Variants in PDE1C observed in about 807,000 individuals in gnomAD.
The protein encoded by PDE1C is dual specificity calcium/calmodulin-dependent 3',5'-cyclic nucleotide phosphodiesterase 1C.
In PDE1C, 62 loss-of-function variants were observed where a neutral mutation model predicts 93.1. That is an observed-to-expected ratio of 0.67 (90% CI 0.54 to 0.82). PDE1C has a LOEUF of 0.82. PDE1C is among the 40% of genes least tolerant of loss of function. PDE1C has a pLI of 0.00. For missense variants in PDE1C, 742 were observed against 884.6 expected, an observed-to-expected ratio of 0.84 and a Z score of 2.04; for synonymous variants, 325 against 310.1, an observed-to-expected ratio of 1.05 and a Z score of -0.50.
At chr7:31,818,992 G>C (rs1314552614) in intron 14 of PDE1C, among the ~76,000 whole-genome samples, 1 of 152,060 alleles carries the variant, frequency 6.6e-6, no homozygotes, top group Non-Finnish European at 1.5e-5. Flanking sequence ...CTGGTGGCGG[G>C]GGGTATATTT....
At chr7:32,206,869 T>G (rs887029466) in intron 2 of PDE1C, among the ~76,000 whole-genome samples, 14 of 152,158 alleles carry the variant, frequency 9.2e-5, no homozygotes, top group Non-Finnish European at 1.9e-4. Context: ...CAAGTCAAGG[T>G]CAGTCTCAAC....
intron 2 of PDE1C, among the ~76,000 whole-genome samples, chr7:31,882,715 T>G (rs17160638): frequency 0.12 from 18,386 of 152,156 alleles, 1,615 homozygotes; most frequent in East Asian, 0.26. Flanking sequence ...GGAACTGACA[T>G]GTAACTCTAG....
chr7:32,282,095 C>T (rs890438065), intron 1 of PDE1C, among the ~76,000 whole-genome samples: 1 of 148,970 alleles, frequency 6.7e-6, no homozygotes, highest in Non-Finnish European at 1.5e-5. Context: ...CAACACGGCA[C>T]ATGTATACAT....
At chr7:31,935,861 C>T (rs1329917998) in intron 2 of PDE1C, among the ~76,000 whole-genome samples, 2 of 152,136 alleles carry the variant, frequency 1.3e-5, no homozygotes, top group African/African-American at 2.4e-5. Flanking sequence ...ACAATGCTAG[C>T]AGTAGCAGCA....
intron 2 of PDE1C, among the ~76,000 whole-genome samples, chr7:31,967,936 TTAGG>T (rs1331884179): frequency 6.6e-6 from 1 of 152,152 alleles, no homozygotes; most frequent in African/African-American, 2.4e-5. Context: ...TCTCCATAAA[TTAGG>T]TATTGATGGC....
intron 3 of PDE1C, among the ~76,000 whole-genome samples, chr7:32,167,337 GTATC>G (rs1446532919): frequency 6.6e-6 from 1 of 152,194 alleles, no homozygotes; most frequent in Non-Finnish European, 1.5e-5. Flanking sequence ...GTGGAATTAA[GTATC>G]TAACCCCTTC....
intron 2 of PDE1C, among the ~76,000 whole-genome samples, chr7:31,890,203 A>T (rs774290444): frequency 2.6e-5 from 4 of 152,206 alleles, no homozygotes; most frequent in Non-Finnish European, 5.9e-5. Flanking sequence ...GACTGGGGAG[A>T]GGGAAGCAGT....
intron 3 of PDE1C, among the ~76,000 whole-genome samples, chr7:32,106,481 T>C (rs894536027): frequency 1.3e-5 from 2 of 152,056 alleles, no homozygotes; most frequent in African/African-American, 4.8e-5. Context: ...GGGGAGAAAC[T>C]GAGAGGAAAG....
intron 2 of PDE1C, among the ~76,000 whole-genome samples, chr7:32,201,484 T>A (rs1005208373): frequency 3.3e-5 from 5 of 152,182 alleles, no homozygotes; most frequent in Non-Finnish European, 7.3e-5. Context: ...GCATTCCCAT[T>A]AAGGGAGCAG....
At chr7:32,019,034 T>A (rs1218178196) in intron 2 of PDE1C, among the ~76,000 whole-genome samples, 2 of 151,526 alleles carry the variant, frequency 1.3e-5, no homozygotes, top group South Asian at 4.2e-4. Context: ...ATTAACTCCT[T>A]ATTCAGTACC....
At chr7:32,100,573 A>G (rs923540213) in intron 3 of PDE1C, among the ~76,000 whole-genome samples, 1 of 152,236 alleles carries the variant, frequency 6.6e-6, no homozygotes, top group African/African-American at 2.4e-5. Flanking sequence ...AGAGTCAAAC[A>G]TTGATCAGCC....
the PDE1C span, among the ~76,000 whole-genome samples, chr7:31,655,594 A>T: frequency 6.6e-6 from 1 of 152,224 alleles, no homozygotes; most frequent in East Asian, 1.9e-4. Context: ...ACCAGAAATA[A>T]AAGTCCAGGC....
chr7:31,843,205 A>T (rs1279237009), intron 9 of PDE1C, among the ~76,000 whole-genome samples: 1 of 151,978 alleles, frequency 6.6e-6, no homozygotes, highest in Non-Finnish European at 1.5e-5. Flanking sequence ...TATAAATATT[A>T]ATTAAGGCAA....
chr7:31,897,183 T>C (rs1406533459), intron 2 of PDE1C, among the ~76,000 whole-genome samples: 1 of 152,210 alleles, frequency 6.6e-6, no homozygotes, highest in Non-Finnish European at 1.5e-5. Flanking sequence ...TGGCGAGTGC[T>C]GCTCTGGAGT....
the PDE1C span, chr7:31,707,126 T>C: frequency 7.4e-7 from 1 of 1,356,426 alleles, no homozygotes; most frequent in Non-Finnish European, 1.0e-6. Flanking sequence ...CATGCTCCTT[T>C]GTACTGTGTC....
intron 1 of PDE1C, among the ~76,000 whole-genome samples, chr7:32,240,715 C>T (rs1368730780): frequency 1.3e-5 from 2 of 152,096 alleles, no homozygotes; most frequent in Non-Finnish European, 2.9e-5. Flanking sequence ...CATAGAAGGC[C>T]ACCAGGGGGT....
At chr7:32,179,548 T>C (rs17340927) in intron 2 of PDE1C, among the ~76,000 whole-genome samples, 33,095 of 152,120 alleles carry the variant, frequency 0.22, 4,381 homozygotes, top group Admixed American at 0.34. Flanking sequence ...CCTGACTTAC[T>C]GTCTTGCATG....
intron 2 of PDE1C, among the ~76,000 whole-genome samples, chr7:31,906,405 G>C (rs117423832): frequency 0.016 from 2,416 of 152,274 alleles, 36 homozygotes; most frequent in Middle Eastern, 0.065. Flanking sequence ...CTTACACTTA[G>C]ACTAAAGTCA....
chr7:31,971,910 G>A (rs575222469), intron 2 of PDE1C, among the ~76,000 whole-genome samples: 3 of 152,176 alleles, frequency 2.0e-5, no homozygotes, highest in Non-Finnish European at 4.4e-5. Context: ...GACTAAGGAT[G>A]GTAATAACCG....
Sources: allele counts gnomAD v4.1 joint callset (sites outside exome capture counted in the v4.1 genomes callset), GRCh38; gene constraint gnomAD v4.1.1; transcripts MANE v1.5; gene names NCBI Gene and HGNC (gene_info 2026-07-23, HGNC 2026-07-21).